Variants in HDAC8 observed in about 807,000 individuals in gnomAD.
HDAC8 encodes histone deacetylase-like 1.
Under a neutral mutation model 32.2 loss-of-function variants are expected in HDAC8, and 1 was observed. The ratio of observed to expected loss-of-function variants is 0.03; its 90% confidence interval spans 0.01 to 0.15. The LOEUF is 0.15. Ranked by LOEUF, HDAC8 falls within the 10% of genes least tolerant of loss-of-function variation. HDAC8 has a pLI of 1.00. For synonymous variants in HDAC8, 108 were observed against 113.9 expected, an observed-to-expected ratio of 0.95 and a Z score of 0.33; for missense variants, 117 against 300.0, an observed-to-expected ratio of 0.39 and a Z score of 4.51.
intron 10 of HDAC8, among the ~76,000 whole-genome samples, chrX:72,347,847 T>C (rs369721462): frequency 8.9e-6 from 1 of 112,144 alleles, no homozygotes; most frequent in East Asian, 2.8e-4. Context: ...TACTTTCTTA[T>C]GAACAACGAC....
intron 4 of HDAC8, among the ~76,000 whole-genome samples, chrX:72,519,891 C>A (rs1023363448): frequency 1.8e-5 from 2 of 112,374 alleles, no homozygotes; most frequent in Admixed American, 1.9e-4. Context: ...TGAGCAGCTG[C>A]ACCTGGCCCA....
intron 9 of HDAC8, among the ~76,000 whole-genome samples, chrX:72,360,223 C>T (rs1047017983): frequency 3.7e-5 from 4 of 106,869 alleles, no homozygotes; most frequent in East Asian, 3.0e-4. Context: ...GGTGTGGTGC[C>T]GCACACCTGT....
At chrX:72,497,114 C>T (rs1556013654) in intron 4 of HDAC8, among the ~76,000 whole-genome samples, 1 of 111,432 alleles carries the variant, frequency 9.0e-6, no homozygotes, top group Non-Finnish European at 1.9e-5. Flanking sequence ...AAGCAGGTGG[C>T]CCCCTTCCTT....
At chrX:72,429,084 T>A (rs2046739797) in intron 9 of HDAC8, among the ~76,000 whole-genome samples, 1 of 106,744 alleles carries the variant, frequency 9.4e-6, no homozygotes, top group Non-Finnish European at 1.9e-5. Flanking sequence ...AGGCAGAGTC[T>A]CCTCACCTTC....
chrX:72,553,334 G>A (rs1556080190), intron 4 of HDAC8, among the ~76,000 whole-genome samples: 4 of 111,565 alleles, frequency 3.6e-5, no homozygotes, highest in East Asian at 2.8e-4. Context: ...GTGAGCCACC[G>A]CGCCTGGCCA....
chrX:72,568,059 A>G, intron 3 of HDAC8, 29 bp from the exon 4 acceptor site: 1 of 1,184,866 alleles, frequency 8.4e-7, no homozygotes, highest in Non-Finnish European at 1.1e-6. Context: ...AGAGCTGGTT[A>G]AAAGGTGAAC....
At chrX:72,529,497 C>T (rs1386285938) in intron 4 of HDAC8, among the ~76,000 whole-genome samples, 1 of 111,665 alleles carries the variant, frequency 9.0e-6, no homozygotes, top group Non-Finnish European at 1.9e-5. Context: ...GGCAAGTAAA[C>T]AGATTTTTCC....
In HDAC8 at chrX:72,446,300, G is replaced by A. The variant is rs1167503033; in HGVS notation, c.1005+15704C>T. ...GGAACCAACCCAAATGTTCAACAAT[G>A]ATAGACTGGATTAAGAAAATGTGGC... On this transcript the variant is annotated intron_variant, in intron 9 of 10. Transcript: ENST00000373573. Among the ~76,000 whole-genome samples, 4 of 112,227 alleles carry A rather than the reference G, an allele frequency of 3.6e-5. No homozygotes were observed. In the East Asian group the frequency reaches 8.4e-4, roughly 23 times the overall value.
chrX:72,432,914 A>G (rs1195793822), intron 9 of HDAC8, among the ~76,000 whole-genome samples: 1 of 111,644 alleles, frequency 9.0e-6, no homozygotes, highest in Non-Finnish European at 1.9e-5. Context: ...TCCAATCAAT[A>G]AAGCAGAGGG....
intron 9 of HDAC8, among the ~76,000 whole-genome samples, chrX:72,453,186 C>A (rs979632623): frequency 3.7e-5 from 4 of 108,618 alleles, no homozygotes; most frequent in Non-Finnish European, 5.7e-5. Context: ...GTGGCTCATG[C>A]CCATAATTCC....
At chrX:72,333,727 G>A (rs1228791983) in intron 10 of HDAC8, among the ~76,000 whole-genome samples, 1 of 105,941 alleles carries the variant, frequency 9.4e-6, no homozygotes, top group African/African-American at 3.4e-5. Flanking sequence ...AGCAGTTCCC[G>A]ACCTACCACC....
At position 72,551,807 on chromosome X, in the gene HDAC8, C is replaced by A. The variant is rs2051079102; in HGVS notation, c.437+16082G>T. ...CACAGAAAAAAGTCCAATTCCTCAG[C>A]ATAGCTTATAAAACCTTTATAATCT... is the stretch of plus-strand genomic sequence containing the variant. On this transcript the variant is annotated intron_variant, in intron 4 of 10. Transcript: ENST00000373573. 2.7e-5 allele frequency among the ~76,000 whole-genome samples: 3 copies of A among 112,456 alleles called. No individual in the cohort carries two copies. The South Asian group carries it at 1.1e-3, about 42-fold the overall frequency.
intron 10 of HDAC8, chrX:72,351,205 TC>T: frequency 5.2e-6 from 1 of 192,477 alleles, no homozygotes. Context: ...GCTCAAGGGA[TC>T]CTCCTGCCTC....
At chrX:72,506,195 G>C (rs2049386593) in intron 4 of HDAC8, among the ~76,000 whole-genome samples, 1 of 112,396 alleles carries the variant, frequency 8.9e-6, no homozygotes, top group South Asian at 3.7e-4. Context: ...GATAGAAGTT[G>C]TAAGAAATGC....
intron 9 of HDAC8, among the ~76,000 whole-genome samples, chrX:72,361,073 AT>A (rs2044535561): frequency 9.0e-6 from 1 of 110,968 alleles, no homozygotes; most frequent in African/African-American, 3.3e-5. Flanking sequence ...GGAGGTGAAG[AT>A]GGGGATGGAA....
Position 72,453,524 on chromosome X carries a change from A to AAAG in HDAC8, c.1005+8479_1005+8480insCTT, listed in dbSNP as rs782366543. ...AGAAAGAAAGAAAGAAAGAAAGAAAAAGAAAGAAAAAGTAAAAAGGTCACA... is the reference window on the plus strand; with the variant it reads ...AGAAAGAAAGAAAGAAAGAAAGAAAAAAGAGAAAGAAAAAGTAAAAAGGTCACA... On this transcript the variant is annotated intron_variant, in intron 9 of 10. Transcript: ENST00000373573. Among the ~76,000 whole-genome samples, 228 of 99,785 alleles carry AAAG rather than the reference A, an allele frequency of 2.3e-3. 3 individuals are homozygous for AAAG. Among genetic ancestry groups the AAAG allele is most frequent in the Non-Finnish European group, 4.0e-3 (192 of 47,782 alleles). The allele number at this position is 99,785 out of a possible 115,157, so 86.7% of individuals were successfully genotyped here.
chrX:72,564,977 G>A (rs1485689738), intron 4 of HDAC8, among the ~76,000 whole-genome samples: 1 of 112,206 alleles, frequency 8.9e-6, no homozygotes, highest in Non-Finnish European at 1.9e-5. Flanking sequence ...AGATTGCCAA[G>A]AATATTGTTA....
At chrX:72,350,889 G>A (rs1056655321) in intron 10 of HDAC8, among the ~76,000 whole-genome samples, 2 of 111,771 alleles carry the variant, frequency 1.8e-5, no homozygotes, top group Admixed American at 9.5e-5. Flanking sequence ...AGGCTAGGCC[G>A]GGAAGGAGGC....
intron 9 of HDAC8, among the ~76,000 whole-genome samples, chrX:72,370,383 C>T (rs2044835458): frequency 9.0e-6 from 1 of 111,530 alleles, no homozygotes; most frequent in Non-Finnish European, 1.9e-5. Context: ...TTTTTTGAGA[C>T]GAAGTTTCAT....
Sources: allele counts gnomAD v4.1 joint callset (sites outside exome capture counted in the v4.1 genomes callset), GRCh38; gene constraint gnomAD v4.1.1; transcripts MANE v1.5; gene names NCBI Gene and HGNC (gene_info 2026-07-23, HGNC 2026-07-21).